The following SLC6A9 variants were observed in gnomAD, a reference collection of about 807,000 sequenced individuals.
SLC6A9 encodes the protein solute carrier family 6 member 9.
Under a neutral mutation model 70.9 loss-of-function variants are expected in SLC6A9, and 31 were observed. The observed-to-expected ratio is 0.44, with a 90% CI of 0.33 to 0.59. SLC6A9 has a LOEUF of 0.59. Among genes scored for constraint, SLC6A9 ranks in the 20% least tolerant of loss-of-function variants. The probability of loss-of-function intolerance (pLI) is 0.04; values close to 1 mark genes in which losing one functional copy is unlikely to be tolerated. For missense variants in SLC6A9, 631 were observed against 845.2 expected (o/e 0.75, Z 3.14); for synonymous variants, 310 against 341.3 (o/e 0.91, Z 1.01).
chr1:43,997,541 G>A lies in SLC6A9; in HGVS notation c.*4C>T. 1 of 1,612,642 alleles carries A rather than the reference G, an allele frequency of 6.2e-7. No individual in the cohort carries two copies. Among genetic ancestry groups the A allele is most frequent in the South Asian group, 1.1e-5 (1 of 91,060 alleles). ...GGGTGGGGCCACTCCCCTGGCAGCT[G>A]TGCTCATATCCGGGAGTCCTGGAGG... On this transcript the variant is annotated 3_prime_UTR_variant, in exon 14 of 14. Coordinates refer to ENST00000372310, the MANE Select transcript of SLC6A9 (RefSeq NM_001024845.3). The surrounding 1 kb of genome is among the most constrained non-coding windows in gnomAD (Gnocchi z 4.4).
rs975997870 is a variant in SLC6A9, at chr1:44,022,666, C to T, written c.30+1582G>A. ...GATCCTGAGCTTGGAGCAGAACCAC[C>T]GGTTCTCTCCCACAAACTGCTGTTT... On this transcript the variant is annotated intron_variant, in intron 2 of 13. Coordinates refer to ENST00000372310, the MANE Select transcript of SLC6A9 (RefSeq NM_001024845.3). Among the ~76,000 whole-genome samples the T allele has an allele frequency of 6.0e-5, 9 of 151,208 alleles. No individual in the cohort carries two copies. In the South Asian group the frequency reaches 1.0e-3, roughly 18 times the overall value.
intron 2 of SLC6A9, chr1:44,011,567 CATGGCTAGGGAGTG>C: frequency 6.2e-7 from 1 of 1,613,704 alleles, no homozygotes; most frequent in Non-Finnish European, 8.5e-7. Flanking sequence ...TGACCTGGGC[CATGGCTAGGGAGTG>C]CTGGGCCATG....
chr1:44,006,607 A>G (rs1160012192), intron 5 of SLC6A9, among the ~76,000 whole-genome samples: 2 of 151,740 alleles, frequency 1.3e-5, no homozygotes, highest in African/African-American at 4.8e-5. Flanking sequence ...AAAAAAAAAA[A>G]AAAGAAATCA....
At chr1:44,003,390 C>G (rs2086192488) in intron 5 of SLC6A9, among the ~76,000 whole-genome samples, 3 of 152,224 alleles carry the variant, frequency 2.0e-5, no homozygotes, top group Non-Finnish European at 4.4e-5. Flanking sequence ...CAGGAAGCCA[C>G]CAGTGAGCAT....
chr1:44,001,594 G>T lies in SLC6A9; in HGVS notation c.996C>A (p.Ala332=). 1 of 1,614,088 alleles carries T rather than the reference G, an allele frequency of 6.2e-7. No individual in the cohort carries two copies. The highest frequency in any genetic ancestry group is 1.1e-5 in the South Asian group (1 of 91,068). The change falls in exon 9 of 14, where the codon GCC becomes GCA. Residue 332 remains alanine (A), a synonymous_variant. Coordinates refer to ENST00000372310, the MANE Select transcript of SLC6A9 (RefSeq NM_001024845.3). ...DSVIISITNC[A]TSVYAGFVIF... The stretch of plus-strand genomic sequence containing the variant: ...TGACGAAGCCAGCATAGACGCTGGT[G>T]GCACAGTTGGTGATGCTGATGATGA...
chr1:44,018,933 A>G lies in SLC6A9; in HGVS notation c.30+5315T>C, dbSNP rs1346200386. On this transcript the variant is annotated intron_variant, in intron 2 of 13. Transcript: ENST00000372310. The surrounding 1 kb of genome is among the most constrained non-coding windows in gnomAD (Gnocchi z 4.2). The stretch of plus-strand genomic sequence containing the variant: ...TGACAAAGTGAGACCTTGTTTCAAA[A>G]AATTAATAAAAAATAAATTTTAAAA... Among the ~76,000 whole-genome samples the G allele has an allele frequency of 1.3e-5, 2 of 152,338 alleles. No individual in the cohort carries two copies. The highest frequency in any genetic ancestry group is 3.9e-4 in the East Asian group (2 of 5,190).
intron 5 of SLC6A9, among the ~76,000 whole-genome samples, chr1:44,005,243 C>T (rs2086267215): frequency 1.3e-5 from 2 of 152,044 alleles, no homozygotes. Context: ...GGCCTGGTCA[C>T]GAGTTTAGGA....
At chr1:44,011,651 T>C (rs2086575828) in intron 2 of SLC6A9, 2 of 1,613,596 alleles carry the variant, frequency 1.2e-6, no homozygotes, top group Non-Finnish European at 1.7e-6. Context: ...CAGACTCTGC[T>C]AGGGAAGTAG....
rs1178244275 is a variant in SLC6A9, at chr1:44,022,698, TTTTC to T, written c.30+1546_30+1549del. Reference sequence around the variant, plus strand: ...CTCCCACAAACTGCTGTTTTTTAATTTTTCTTTCTTTCTTTCTTTCTTTCTTTTT... The same window carrying T: ...CTCCCACAAACTGCTGTTTTTTAATTTTTCTTTCTTTCTTTCTTTCTTTTT... On this transcript the variant is annotated intron_variant, in intron 2 of 13. Coordinates refer to ENST00000372310, the MANE Select transcript of SLC6A9 (RefSeq NM_001024845.3). Among the ~76,000 whole-genome samples the T allele has an allele frequency of 9.0e-4, 96 of 107,134 alleles. 1 individual carries two copies. Among genetic ancestry groups the T allele is most frequent in the Middle Eastern group, 4.3e-3 (1 of 234 alleles). The allele number at this position is 107,134 out of a possible 152,430, so 70.3% of individuals were successfully genotyped here. A position where few individuals can be genotyped will look rare whatever the true frequency, so the allele number is the denominator to read the frequency against.
chr1:44,015,655 C>T (rs1425245193), intron 2 of SLC6A9, among the ~76,000 whole-genome samples: 1 of 152,256 alleles, frequency 6.6e-6, no homozygotes, highest in Admixed American at 6.5e-5. Context: ...TCCGGCCAGG[C>T]ACCCCTCAGT....
intron 12 of SLC6A9, among the ~76,000 whole-genome samples, chr1:43,998,990 G>GGC (rs1423386991): frequency 1.3e-5 from 2 of 150,758 alleles, no homozygotes; most frequent in Non-Finnish European, 3.0e-5. Flanking sequence ...GAAGGGGGGG[G>GGC]GCAGTCCCAG....
Position 44,016,684 on chromosome 1 carries a change from C to T in SLC6A9, c.31-5802G>A, listed in dbSNP as rs76914738. 573 of 197,294 alleles carry T rather than the reference C, an allele frequency of 2.9e-3. 7 individuals carry two copies. The highest frequency in any genetic ancestry group is 0.013 in the African/African-American group (538 of 42,630). 12.2% of individuals were successfully genotyped at this position (197,294 alleles called of 1,614,324 possible). A position where few individuals can be genotyped will look rare whatever the true frequency, so the allele number is the denominator to read the frequency against. ...CCACTCTTCCCATAGGAGTAACTGC[C>T]GTGGCACAGACAATGAGGCTGTATT... is the stretch of plus-strand genomic sequence containing the variant. On this transcript the variant is annotated intron_variant, in intron 2 of 13. Transcript: ENST00000372310.
chr1:44,030,220 C>G (rs2087076099), intron 1 of SLC6A9, among the ~76,000 whole-genome samples: 1 of 152,190 alleles, frequency 6.6e-6, no homozygotes, highest in South Asian at 2.1e-4. Context: ...TGGGGCGCGT[C>G]CGCTTTAATC....
chr1:44,011,562 T>C (rs761546145), intron 2 of SLC6A9: 12 of 1,613,114 alleles, frequency 7.4e-6, no homozygotes, highest in African/African-American at 1.3e-5. Context: ...GGAGCTGACC[T>C]GGGCCATGGC....
intron 1 of SLC6A9, among the ~76,000 whole-genome samples, chr1:44,028,380 A>G (rs1416823917): frequency 6.6e-6 from 1 of 152,238 alleles, no homozygotes; most frequent in Non-Finnish European, 1.5e-5. Context: ...TGGAATGTGC[A>G]TCTTGAAACC....
At chr1:44,019,380 C>T (rs2086838789) in intron 2 of SLC6A9, among the ~76,000 whole-genome samples, 1 of 152,188 alleles carries the variant, frequency 6.6e-6, no homozygotes, top group African/African-American at 2.4e-5. Context: ...AGCAAGTGTC[C>T]TAAGGATGGC....
chr1:44,027,618 A>G (rs74636946), intron 1 of SLC6A9, among the ~76,000 whole-genome samples: 4,372 of 152,330 alleles, frequency 0.029, 191 homozygotes, highest in African/African-American at 0.097. Flanking sequence ...ACTCAAAGGT[A>G]TCTGCACTCC....
intron 2 of SLC6A9, among the ~76,000 whole-genome samples, chr1:44,021,406 C>T (rs2086881773): frequency 6.6e-6 from 1 of 152,192 alleles, no homozygotes; most frequent in Admixed American, 6.5e-5. Context: ...TGGGCCTGGG[C>T]ACGTGCTGGT....
rs902554300 is a variant in SLC6A9 at position 44,013,619 on chromosome 1, C to T, written c.31-2737G>A. Among the ~76,000 whole-genome samples the T allele has an allele frequency of 3.9e-5, 6 of 152,166 alleles. No homozygotes were observed. The highest frequency in any genetic ancestry group is 7.2e-5 in the African/African-American group (3 of 41,432). ...TTGGGCCTGGGTCCCAGCACTGTGG[C>T]GCTCGACCACGGGAATCTGGCCCAG... is the stretch of plus-strand genomic sequence containing the variant. On this transcript the variant is annotated intron_variant, in intron 2 of 13. Transcript: ENST00000372310. The surrounding 1 kb of genome is among the most constrained non-coding windows in gnomAD (Gnocchi z 5.3).
Sources: allele counts gnomAD v4.1 joint callset (sites outside exome capture counted in the v4.1 genomes callset), GRCh38; gene constraint gnomAD v4.1.1; non-coding constraint Gnocchi (gnomAD v3.1); transcripts MANE v1.5; gene names NCBI Gene and HGNC (gene_info 2026-07-23, HGNC 2026-07-21).